FREM1: variants seen among roughly 807,000 people sequenced by gnomAD.
FREM1 encodes FRAS1 related extracellular matrix 1, also known as FRAS1-related extracellular matrix protein 1.
Under a neutral mutation model 210.1 loss-of-function variants are expected in FREM1, and 220 were observed. The observed-to-expected ratio is 1.05, with a 90% CI of 0.94 to 1.17. The LOEUF is 1.17. Among genes scored for constraint, FREM1 ranks in the 50% most tolerant of loss-of-function variants. The pLI, the probability that FREM1 is intolerant of heterozygous loss-of-function variation, is 0.00. For synonymous variants in FREM1, 1,189 were observed against 980.2 expected (o/e 1.21, Z -3.98); for missense variants, 3,454 against 2,675.5 (o/e 1.29, Z -6.42).
chr9:14,846,851 G>A lies in FREM1; in HGVS notation c.1262-760C>T, dbSNP rs545232332. Among the ~76,000 whole-genome samples, 592 of 152,276 alleles carry A rather than the reference G, an allele frequency of 3.9e-3. 2 individuals carry two copies. The highest frequency in any genetic ancestry group is 5.0e-3 in the Non-Finnish European group (337 of 68,010). The stretch of plus-strand genomic sequence containing the variant: ...CCATCCCGGCCTCGACCAACTGACT[G>A]TTCTCTAGCTGCAGCCGCCCCATGA... On this transcript the variant is annotated intron_variant, in intron 7 of 36. Transcript: ENST00000380880.
At chr9:14,747,216 C>A (rs375371745) in intron 33 of FREM1, 48 bp downstream of exon 33, 53 of 1,592,210 alleles carry the variant, frequency 3.3e-5, no homozygotes, top group Non-Finnish European at 4.5e-5. Context: ...TCTGGCCCAG[C>A]AAACAACTTG....
chr9:14,859,289 C>T lies in FREM1; in HGVS notation c.525G>A (p.Leu175=). ...CTGGCAGCCGAGTTCTCGCAGTGTC[C>T]AGGCTGACGGTACATTCCAGGCTAG... is the stretch of plus-strand genomic sequence containing the variant. The part of the protein sequence containing the change: ...RMASLECTVS[L]DTARTRLPAH... The change falls in exon 4 of 37, where the codon CTG becomes CTA. Residue 175 remains leucine, a synonymous_variant. Coordinates refer to ENST00000380880, the MANE Select transcript of FREM1 (RefSeq NM_001379081.2). 1 of 1,613,864 alleles carries T rather than the reference C, an allele frequency of 6.2e-7. No individual in the cohort carries two copies. Among genetic ancestry groups the T allele is most frequent in the South Asian group, 1.1e-5 (1 of 91,066 alleles).
Position 14,760,766 on chromosome 9 carries a change from A to G in FREM1, c.5205-865T>C, listed in dbSNP as rs1293651825. On this transcript the variant is annotated intron_variant, in intron 27 of 36. Coordinates refer to ENST00000380880, the MANE Select transcript of FREM1 (RefSeq NM_001379081.2). The stretch of plus-strand genomic sequence containing the variant: ...CCAACCTCTACCATTTCTCTCCCCA[A>G]CTGAAGTTCTTTGCGACTCTTTTGT... Among the ~76,000 whole-genome samples the G allele has an allele frequency of 3.3e-5, 5 of 152,130 alleles. No individual in the cohort carries two copies. The East Asian group carries it at 7.7e-4, about 23-fold the overall frequency.
intron 1 of FREM1, among the ~76,000 whole-genome samples, chr9:14,892,730 A>C (rs890752389): frequency 2.0e-5 from 3 of 152,128 alleles, no homozygotes; most frequent in African/African-American, 7.2e-5. Context: ...TCCCTCTTCT[A>C]CTGACAAGCT....
chr9:14,824,000 T>A (rs375261633), intron 12 of FREM1, 25 bp downstream of exon 12: 528 of 1,450,700 alleles, frequency 3.6e-4, no homozygotes, highest in Non-Finnish European at 4.9e-4. Context: ...ATCATGTTTG[T>A]CAGCATTTTA....
intron 13 of FREM1, among the ~76,000 whole-genome samples, chr9:14,820,289 C>T (rs763529028): frequency 2.6e-5 from 4 of 152,206 alleles, no homozygotes; most frequent in Non-Finnish European, 4.4e-5. Context: ...ATTACCCCCA[C>T]GCTTGTATTG....
Position 14,775,844 on chromosome 9 carries a change from T to C in FREM1, c.4802A>G (p.Gln1601Arg), listed in dbSNP as rs1197776258. 5.0e-6 allele frequency: 8 copies of C among 1,613,762 alleles called. No individual in the cohort carries two copies. The highest frequency in any genetic ancestry group is 6.8e-6 in the Non-Finnish European group (8 of 1,179,796). The change falls in exon 25 of 37, where the codon CAA (glutamine) becomes CGA (arginine). Residue 1601 changes from glutamine (Q) to arginine (R), a missense_variant. Physicochemically the swap from Gln to Arg is conservative, Grantham distance 43. Coordinates refer to ENST00000380880, the MANE Select transcript of FREM1 (RefSeq NM_001379081.2). ...FTFMATDGTN[Q>R]GFIVNGRVWE... ...CACTCTCCCATTCACAATAAAGCCT[T>C]GGTTTGTCCCATCTGTGGCCATGAA...
Position 14,886,064 on chromosome 9 carries a change from T to G in FREM1, c.-267-16820A>C, listed in dbSNP as rs1415597034. 5.5e-4 allele frequency among the ~76,000 whole-genome samples: 83 copies of G among 152,274 alleles called. No homozygotes were observed. In the East Asian group the frequency reaches 0.016, roughly 29 times the overall value. On this transcript the variant is annotated intron_variant, in intron 1 of 36. Transcript: ENST00000380880. ...CTATGAGAACAACTTTTTCACAACT[T>G]TAGGTCTTACAAGTACCCTAAAGTC... is the stretch of plus-strand genomic sequence containing the variant.
chr9:14,746,475 A>C lies in FREM1; in HGVS notation c.6139-7T>G. ...AGGATTTGTCTTCCACATCCTGAAA[A>C]ACAGTTGTCTGTGTTCATATCATAA... On this transcript the variant is annotated splice_region_variant and splice_polypyrimidine_tract_variant and intron_variant, in intron 34 of 36. Coordinates refer to ENST00000380880, the MANE Select transcript of FREM1 (RefSeq NM_001379081.2). 1 of 1,605,582 alleles carries C rather than the reference A, an allele frequency of 6.2e-7. No homozygotes were observed. Among genetic ancestry groups the C allele is most frequent in the Non-Finnish European group, 8.5e-7 (1 of 1,172,374 alleles).
intron 24 of FREM1, among the ~76,000 whole-genome samples, chr9:14,780,300 G>A (rs1451285394): frequency 6.6e-6 from 1 of 151,930 alleles, no homozygotes; most frequent in Non-Finnish European, 1.5e-5. Flanking sequence ...GTGCCTGCCT[G>A]GTCTGATTTC....
At chr9:14,802,667 A>T (rs1817502988) in intron 19 of FREM1, among the ~76,000 whole-genome samples, 1 of 152,194 alleles carries the variant, frequency 6.6e-6, no homozygotes, top group Non-Finnish European at 1.5e-5. Flanking sequence ...GGATTGAGAG[A>T]ACAAAAAAGT....
intron 3 of FREM1, among the ~76,000 whole-genome samples, chr9:14,860,791 A>ATATATACACATATATACATATATACG (rs1564101723): frequency 2.9e-5 from 3 of 103,262 alleles, no homozygotes; most frequent in African/African-American, 1.1e-4. Context: ...ACATATATAC[A>ATATATACACATATATACATATATACG]TATATACACA....
At chr9:14,790,596 A>C (rs991985311) in intron 22 of FREM1, 2 of 152,162 alleles carry the variant, frequency 1.3e-5, no homozygotes, top group African/African-American at 2.4e-5. Context: ...GCACTCCAAA[A>C]TGTAAGACTG....
At chr9:14,823,352 T>C (rs1821731836) in intron 12 of FREM1, 25 bp from the exon 13 acceptor site, 14 of 1,602,946 alleles carry the variant, frequency 8.7e-6, no homozygotes, top group Middle Eastern at 1.7e-4. Context: ...GAGATGGATA[T>C]GTGGGTGCTG....
At chr9:14,750,080 C>T in intron 30 of FREM1, 47 bp downstream of exon 30, 1 of 1,593,906 alleles carries the variant, frequency 6.3e-7, no homozygotes, top group Non-Finnish European at 8.5e-7. Flanking sequence ...GCAAGAGCTA[C>T]AGCGCCAGGA....
intron 5 of FREM1, among the ~76,000 whole-genome samples, chr9:14,855,523 T>C (rs947373506): frequency 1.3e-5 from 2 of 152,110 alleles, no homozygotes; most frequent in African/African-American, 4.8e-5. Context: ...GATACAAAAC[T>C]TCACATATAG....
chr9:14,776,001 G>C lies in FREM1; in HGVS notation c.4645C>G (p.Leu1549Val). Residue 1549 changes from leucine to valine, a missense_variant, in exon 25 of 37, where the codon CTC becomes GTC. Physicochemically the swap from Leu to Val is conservative, Grantham distance 32 (BLOSUM62 1). Transcript: ENST00000380880. ...AGGTAGAGCTGGCCATGCTGGGGGA[G>C]CTGAACCAAGAGGAAGGTGAGGTTC... ...AENLTFLLVQ[L>V]PQHGQLYLWG... The C allele has an allele frequency of 1.2e-6, 2 of 1,614,028 alleles. No homozygotes were observed. Among genetic ancestry groups the C allele is most frequent in the Non-Finnish European group, 1.7e-6 (2 of 1,179,890 alleles).
At chr9:14,743,753 T>A (rs1195580174) in intron 35 of FREM1, among the ~76,000 whole-genome samples, 2 of 152,060 alleles carry the variant, frequency 1.3e-5, no homozygotes, top group African/African-American at 4.8e-5. Context: ...GGCTGGAGTA[T>A]AACTACTCTT....
chr9:14,847,380 A>G (rs908745999), intron 7 of FREM1, among the ~76,000 whole-genome samples: 2 of 97,668 alleles, frequency 2.0e-5, no homozygotes, highest in Non-Finnish European at 4.7e-5. Flanking sequence ...TACATATATA[A>G]AGGAGAGGGA....
Sources: gnomAD v4.1 joint callset for allele counts (sites outside exome capture counted in the v4.1 genomes callset) on GRCh38, gnomAD v4.1.1 for gene constraint, MANE v1.5 for transcripts, NCBI Gene and HGNC (gene_info 2026-07-23, HGNC 2026-07-21) for gene names.